Variants in TRAPPC9 observed in about 807,000 individuals in gnomAD.
TRAPPC9 encodes the protein IKK2 binding protein.
Under a neutral mutation model 124.0 loss-of-function variants are expected in TRAPPC9, and 83 were observed. That is an observed-to-expected ratio of 0.67 (90% CI 0.56 to 0.80). The LOEUF (loss-of-function observed/expected upper bound fraction) is 0.80. TRAPPC9 is among the 30% of genes least tolerant of loss of function. The pLI is 0.00. For missense variants in TRAPPC9, 1,302 were observed against 1,508.3 expected (o/e 0.86, Z 2.27); for synonymous variants, 638 against 617.5 (o/e 1.03, Z -0.49).
At chr8:139,990,371 C>A (rs930041366) in intron 18 of TRAPPC9, among the ~76,000 whole-genome samples, 1 of 152,148 alleles carries the variant, frequency 6.6e-6, no homozygotes, top group Non-Finnish European at 1.5e-5. Context: ...ATTCCAAAGC[C>A]ACACATGTCC....
intron 21 of TRAPPC9, among the ~76,000 whole-genome samples, chr8:139,841,516 G>A (rs1221767052): frequency 7.2e-5 from 11 of 152,200 alleles, no homozygotes; most frequent in East Asian, 1.9e-4. Flanking sequence ...CAGGCAGCAC[G>A]GAAATGACTG....
At chr8:139,871,631 C>CA (rs977708678) in intron 21 of TRAPPC9, among the ~76,000 whole-genome samples, 30 of 152,098 alleles carry the variant, frequency 2.0e-4, no homozygotes, top group African/African-American at 7.0e-4. Flanking sequence ...ATTACCCTTC[C>CA]AAAAAAAGAT....
At position 139,867,017 on chromosome 8, in the gene TRAPPC9, T is replaced by C. The variant is rs1828590278; in HGVS notation, c.3055+18862A>G. 3.3e-5 allele frequency among the ~76,000 whole-genome samples: 5 copies of C among 152,124 alleles called. No individual in the cohort carries two copies. The South Asian group carries it at 1.0e-3, about 32-fold the overall frequency. On this transcript the variant is annotated intron_variant, in intron 21 of 22. Transcript: ENST00000438773. The stretch of plus-strand genomic sequence containing the variant: ...AGCTGGCTAGTTTTTGTATTTTTAG[T>C]AGAGATGGGGTTTCACCATATTGGC...
chr8:139,846,094 G>A (rs966824079), intron 21 of TRAPPC9, among the ~76,000 whole-genome samples: 8 of 152,270 alleles, frequency 5.3e-5, no homozygotes, highest in Non-Finnish European at 1.0e-4. Context: ...GGCCACGATG[G>A]GCCTTGAACT....
rs1378523194 is a variant in TRAPPC9, at chr8:140,451,393, GAGA to G, written c.-10-13_-10-11del. 6.3e-7 allele frequency: 1 copy of G among 1,594,864 alleles called. No homozygotes were observed. Among genetic ancestry groups the G allele is most frequent in the African/African-American group, 1.3e-5 (1 of 74,828 alleles). ...GCTCATTTTGAAGTCCCTGTTCAGA[GAGA>G]AGAAATGAGGCTGTGAGACACAGAG... is the stretch of plus-strand genomic sequence containing the variant. On this transcript the variant is annotated splice_polypyrimidine_tract_variant and intron_variant, in intron 1 of 22. Transcript: ENST00000438773.
intron 17 of TRAPPC9, among the ~76,000 whole-genome samples, chr8:140,030,280 G>A (rs373293376): frequency 6.6e-6 from 1 of 152,284 alleles, no homozygotes; most frequent in African/African-American, 2.4e-5. Context: ...ATCCTAGCAA[G>A]TTCAATAAGT....
At chr8:140,158,946 T>C (rs1406404952) in intron 17 of TRAPPC9, among the ~76,000 whole-genome samples, 2 of 152,244 alleles carry the variant, frequency 1.3e-5, no homozygotes, top group African/African-American at 2.4e-5. Flanking sequence ...TATGTATTCA[T>C]CCATCATCCA....
chr8:139,762,746 T>C (rs1464238305), intron 21 of TRAPPC9, among the ~76,000 whole-genome samples: 1 of 152,150 alleles, frequency 6.6e-6, no homozygotes, highest in South Asian at 2.1e-4. Flanking sequence ...AGGAAACAGA[T>C]GGCCAAGGTG....
At chr8:140,050,477 G>A (rs1312808166) in intron 17 of TRAPPC9, among the ~76,000 whole-genome samples, 2 of 152,120 alleles carry the variant, frequency 1.3e-5, no homozygotes, top group Non-Finnish European at 2.9e-5. Context: ...TACCAGGTGA[G>A]ATGCCCAACC....
At chr8:139,740,420 C>T (rs1046411813) in intron 21 of TRAPPC9, among the ~76,000 whole-genome samples, 1 of 152,232 alleles carries the variant, frequency 6.6e-6, no homozygotes, top group African/African-American at 2.4e-5. Context: ...GTGCATGGGG[C>T]CAGGGGGCCA....
chr8:139,853,149 C>A lies in TRAPPC9; in HGVS notation c.3055+32730G>T, dbSNP rs182232399. 3.8e-3 allele frequency among the ~76,000 whole-genome samples: 586 copies of A among 152,282 alleles called. 8 individuals are homozygous for A. The highest frequency in any genetic ancestry group is 0.013 in the African/African-American group (554 of 41,554). On this transcript the variant is annotated intron_variant, in intron 21 of 22. Coordinates refer to ENST00000438773, the MANE Select transcript of TRAPPC9 (RefSeq NM_001160372.4). The stretch of plus-strand genomic sequence containing the variant: ...TGCTGAATTCTGTAAAGGCCTCTGG[C>A]CCCCAGGCCTTCCCTGTTCCAGATG...
rs557024045 is a variant in TRAPPC9, at chr8:139,742,912, C to A, written c.3056-10710G>T. ...TTTCAAGAGACCTGCCTGACTGCAC[C>A]CTAGAGAGGCGGGTTTCCTCTGTCT... On this transcript the variant is annotated intron_variant, in intron 21 of 22. Transcript: ENST00000438773. The surrounding 1 kb of genome is among the most constrained non-coding windows in gnomAD (Gnocchi z 4.7). Among the ~76,000 whole-genome samples the A allele has an allele frequency of 6.6e-6, 1 of 152,228 alleles. No homozygotes were observed. The highest frequency in any genetic ancestry group is 6.5e-5 in the Admixed American group (1 of 15,298).
At chr8:140,221,182 G>A (rs1020553058) in intron 17 of TRAPPC9, among the ~76,000 whole-genome samples, 2 of 152,194 alleles carry the variant, frequency 1.3e-5, no homozygotes, top group Non-Finnish European at 2.9e-5. Flanking sequence ...ATAGAGAAAC[G>A]GCAGGAGAGA....
chr8:140,450,817 T>C lies in TRAPPC9; in HGVS notation c.557A>G (p.Asp186Gly). The C allele has an allele frequency of 6.2e-7, 1 of 1,611,792 alleles. No homozygotes were observed. Among genetic ancestry groups the C allele is most frequent in the South Asian group, 1.1e-5 (1 of 90,466 alleles). Reference protein sequence around the residue: ...PLLCVPFEKKDFVGLDTDSRH... With the variant: ...PLLCVPFEKKGFVGLDTDSRH... Reference sequence around the variant, plus strand: ...GCTGTCTGTGTCCAGTCCTACAAAGTCCTTTTTCTCAAACGGGACACAGAG... The same window carrying C: ...GCTGTCTGTGTCCAGTCCTACAAAGCCCTTTTTCTCAAACGGGACACAGAG... Residue 186 changes from aspartate to glycine, a missense_variant, in exon 2 of 23, where the codon GAC becomes GGC. Around this residue, in one of 3 missense-constraint regions of TRAPPC9, gnomAD observed 657 missense variants for 811.2 expected, o/e 0.81. Transcript: ENST00000438773.
intron 17 of TRAPPC9, among the ~76,000 whole-genome samples, chr8:140,219,598 G>A (rs771826145): frequency 1.3e-5 from 2 of 152,042 alleles, no homozygotes; most frequent in African/African-American, 2.4e-5. Flanking sequence ...CTTATAACCC[G>A]CAGCCCAGAA....
chr8:140,153,900 G>A (rs2061588612), intron 17 of TRAPPC9, among the ~76,000 whole-genome samples: 1 of 152,126 alleles, frequency 6.6e-6, no homozygotes, highest in South Asian at 2.1e-4. Context: ...GGCACCCAGA[G>A]CTCATTCAAG....
intron 7 of TRAPPC9, among the ~76,000 whole-genome samples, chr8:140,384,886 G>A (rs144458298): frequency 0.01 from 1,563 of 152,124 alleles, 13 homozygotes; most frequent in Non-Finnish European, 0.016. Context: ...GCACCACATC[G>A]CACTTATTCC....
chr8:140,285,112 A>C (rs964055803), intron 13 of TRAPPC9, among the ~76,000 whole-genome samples: 1 of 152,228 alleles, frequency 6.6e-6, no homozygotes. Flanking sequence ...ACAATGTCTG[A>C]TAATACAAGG....
At chr8:139,915,231 G>A (rs1832043978) in intron 19 of TRAPPC9, among the ~76,000 whole-genome samples, 1 of 152,190 alleles carries the variant, frequency 6.6e-6, no homozygotes, top group Admixed American at 6.5e-5. Flanking sequence ...TTTTGCTAGA[G>A]TGGGTTCTAA....
Sources: gnomAD v4.1 joint callset for allele counts (sites outside exome capture counted in the v4.1 genomes callset) on GRCh38, gnomAD v4.1.1 for gene constraint, gnomAD v4.1.1 regional missense constraint, Gnocchi (gnomAD v3.1) non-coding constraint, MANE v1.5 for transcripts, NCBI Gene and HGNC (gene_info 2026-07-23, HGNC 2026-07-21) for gene names.